The following WDR47 variants were observed in gnomAD, a reference collection of about 807,000 sequenced individuals.
The protein encoded by WDR47 is WD repeat domain 47, also known as WD repeat-containing protein 47.
In WDR47, 32 loss-of-function variants were observed where a neutral mutation model predicts 97.2. The observed-to-expected ratio is 0.33, with a 90% CI of 0.25 to 0.44. WDR47 has a LOEUF of 0.44. Among genes scored for constraint, WDR47 ranks in the 20% least tolerant of loss-of-function variants. WDR47 has a pLI of 1.00. For synonymous variants in WDR47, 375 were observed against 373.5 expected, an observed-to-expected ratio of 1.00 and a Z score of -0.05; for missense variants, 782 against 1,102.3, an observed-to-expected ratio of 0.71 and a Z score of 4.11.
chr1:109,016,395 C>G (rs1222751059), intron 3 of WDR47, among the ~76,000 whole-genome samples: 1 of 151,944 alleles, frequency 6.6e-6, no homozygotes, highest in Non-Finnish European at 1.5e-5. Flanking sequence ...GAATGAGACC[C>G]TGTCTCAAAA....
chr1:109,024,391 T>C (rs1261816902), intron 1 of WDR47, among the ~76,000 whole-genome samples: 1 of 151,930 alleles, frequency 6.6e-6, no homozygotes, highest in African/African-American at 2.4e-5. Flanking sequence ...AGATCAAGGC[T>C]GCAGTGAGCA....
In WDR47 at chr1:108,971,256, G is replaced by GCA; in HGVS notation, c.*172_*173dup. The GCA allele has an allele frequency of 1.2e-6, 1 of 822,568 alleles. No homozygotes were observed. Among genetic ancestry groups the GCA allele is most frequent in the South Asian group, 2.0e-5 (1 of 50,782 alleles). The allele number at this position is 822,568 out of a possible 1,614,324, so 51.0% of individuals were successfully genotyped here. A position where few individuals can be genotyped will look rare whatever the true frequency, so the allele number is the denominator to read the frequency against. ...CACGAGCTCACATGGAAGACTGAAA[G>GCA]CACTGCGGAATAACACCACCCAACA... On this transcript the variant is annotated 3_prime_UTR_variant, in exon 15 of 15. Transcript: ENST00000369962.
intron 3 of WDR47, among the ~76,000 whole-genome samples, chr1:109,014,527 G>A (rs1661279488): frequency 6.6e-6 from 1 of 151,466 alleles, no homozygotes; most frequent in Non-Finnish European, 1.5e-5. Context: ...CTCAAACTTT[G>A]GCCCAAGCAA....
At chr1:109,000,537 G>A (rs565773216) in intron 7 of WDR47, among the ~76,000 whole-genome samples, 4 of 143,144 alleles carry the variant, frequency 2.8e-5, no homozygotes, top group Admixed American at 7.1e-5. Context: ...AAGGCCAGGC[G>A]TGGTGGCTCA....
intron 1 of WDR47, among the ~76,000 whole-genome samples, chr1:109,024,120 C>T (rs181246561): frequency 6.6e-6 from 1 of 152,290 alleles, no homozygotes; most frequent in African/African-American, 2.4e-5. Context: ...ATGACCTGGT[C>T]AGTACAGCGG....
At chr1:109,001,307 AAATT>A (rs1660169011) in intron 7 of WDR47, among the ~76,000 whole-genome samples, 1 of 151,988 alleles carries the variant, frequency 6.6e-6, no homozygotes, top group Non-Finnish European at 1.5e-5. Flanking sequence ...ATAAATCAAT[AAATT>A]AATTAATTAA....
At chr1:109,010,784 G>C (rs1353261572) in intron 5 of WDR47, 132 bp downstream of exon 5, 1 of 860,314 alleles carries the variant, frequency 1.2e-6, no homozygotes, top group Non-Finnish European at 1.8e-6. Context: ...GGGTTTCACC[G>C]TGTTAGCCAG....
At chr1:109,017,655 T>C in intron 2 of WDR47, 54 bp from the exon 3 acceptor site, 1 of 1,411,560 alleles carries the variant, frequency 7.1e-7, no homozygotes, top group Non-Finnish European at 9.9e-7. Context: ...GTTATACTAA[T>C]TAAAAGCAGA....
chr1:109,002,054 T>C (rs990206514), intron 7 of WDR47, among the ~76,000 whole-genome samples, 170 bp downstream of exon 7: 5 of 152,170 alleles, frequency 3.3e-5, no homozygotes, highest in Non-Finnish European at 7.3e-5. Context: ...AGGACAAAAC[T>C]AGATGAGCCC....
intron 1 of WDR47, among the ~76,000 whole-genome samples, chr1:109,029,722 A>C (rs1006935674): frequency 4.7e-5 from 7 of 148,452 alleles, no homozygotes; most frequent in Non-Finnish European, 8.9e-5. Flanking sequence ...TATTTTTTTA[A>C]AAAAATTACC....
chr1:109,001,280 T>G (rs1660166300), intron 7 of WDR47, among the ~76,000 whole-genome samples: 1 of 151,868 alleles, frequency 6.6e-6, no homozygotes, highest in Non-Finnish European at 1.5e-5. Context: ...CAGAGTAAAA[T>G]TCCATCCCAA....
chr1:109,042,084 T>G lies in WDR47; in HGVS notation c.-232A>C, dbSNP rs933061520. The stretch of plus-strand genomic sequence containing the variant: ...CCTCCCGGCCCAGCGACTCCTCAGC[T>G]CAGCCTCTTGCAGACTGCGGTTGTC... On this transcript the variant is annotated 5_prime_UTR_variant, in exon 1 of 15. Coordinates refer to ENST00000369962, the MANE Select transcript of WDR47 (RefSeq NM_001142551.2). The G allele has an allele frequency of 1.3e-5, 2 of 152,618 alleles. No homozygotes were observed. The highest frequency in any genetic ancestry group is 2.9e-5 in the Non-Finnish European group (2 of 68,308). The allele number at this position is 152,618 out of a possible 1,614,324, so 9.5% of individuals were successfully genotyped here. A position where few individuals can be genotyped will look rare whatever the true frequency, so the allele number is the denominator to read the frequency against.
At chr1:108,995,279 A>G (rs966875915) in intron 8 of WDR47, among the ~76,000 whole-genome samples, 6 of 152,250 alleles carry the variant, frequency 3.9e-5, no homozygotes, top group South Asian at 2.1e-4. Flanking sequence ...TGAAGAAAAA[A>G]GAAAATCAAG....
At chr1:108,985,553 C>T (rs1658724951) in intron 10 of WDR47, among the ~76,000 whole-genome samples, 1 of 152,194 alleles carries the variant, frequency 6.6e-6, no homozygotes. Context: ...CCCCACTAAA[C>T]AAGAAGTTCC....
intron 1 of WDR47, among the ~76,000 whole-genome samples, chr1:109,037,921 C>T (rs1290588193): frequency 9.2e-5 from 14 of 151,892 alleles, no homozygotes; most frequent in Admixed American, 9.2e-4. Flanking sequence ...GAGCCTTGTC[C>T]ACCCAGGCTC....
chr1:109,020,104 G>T (rs1051676923), intron 2 of WDR47, among the ~76,000 whole-genome samples: 3 of 151,578 alleles, frequency 2.0e-5, no homozygotes, highest in Admixed American at 2.0e-4. Context: ...TTAACATAAA[G>T]AAATTTTTTA....
intron 1 of WDR47, among the ~76,000 whole-genome samples, chr1:109,029,466 C>T (rs1188679661): frequency 6.6e-6 from 1 of 151,940 alleles, no homozygotes; most frequent in Non-Finnish European, 1.5e-5. Context: ...TCGAAACCAG[C>T]CTGGCCAACA....
intron 5 of WDR47, 118 bp from the exon 6 acceptor site, chr1:109,004,833 T>C (rs1169597520): frequency 1.6e-6 from 2 of 1,243,746 alleles, no homozygotes; most frequent in Admixed American, 3.2e-5. Context: ...TCTCTCTCTG[T>C]AGCCCCGACT....
chr1:108,997,772 A>AAG (rs1553230943), intron 7 of WDR47, among the ~76,000 whole-genome samples: 2 of 150,846 alleles, frequency 1.3e-5, no homozygotes, highest in African/African-American at 4.9e-5. Flanking sequence ...AAAAAAAAAA[A>AAG]AAAAGAAAGA....
Sources: gnomAD v4.1 joint callset for allele counts (sites outside exome capture counted in the v4.1 genomes callset) on GRCh38, gnomAD v4.1.1 for gene constraint, MANE v1.5 for transcripts, NCBI Gene and HGNC (gene_info 2026-07-23, HGNC 2026-07-21) for gene names.